The following TRPV1 variants were observed in gnomAD, a reference collection of about 807,000 sequenced individuals.
The protein encoded by TRPV1 is OTRPC1.
TRPV1 carries 82 observed loss-of-function variants against 82.3 expected under a neutral mutation model. The ratio of observed to expected loss-of-function variants is 1.00; its 90% CI spans 0.83 to 1.20. The LOEUF (loss-of-function observed/expected upper bound fraction) is 1.20. Among genes scored for constraint, TRPV1 ranks in the 50% most tolerant of loss-of-function variants. TRPV1 has a pLI of 0.00. For missense variants in TRPV1, 1,067 were observed against 1,096.8 expected (o/e 0.97, Z 0.38); for synonymous variants, 515 against 467.7 (o/e 1.10, Z -1.30).
chr17:3,591,447 G>C, intron 3 of TRPV1, 94 bp from the exon 4 acceptor site: 2 of 1,433,640 alleles, frequency 1.4e-6, no homozygotes, highest in Non-Finnish European at 1.9e-6. Context: ...TAAATCCCAA[G>C]GCAAACCAAA....
intron 13 of TRPV1, among the ~76,000 whole-genome samples, chr17:3,575,709 G>A (rs980641987): frequency 3.3e-5 from 5 of 152,132 alleles, no homozygotes; most frequent in East Asian, 1.9e-4. Flanking sequence ...CAAAGCTAAC[G>A]TCACCAGAAG....
At chr17:3,592,431 T>A in intron 2 of TRPV1, 48 bp from the exon 3 acceptor site, 1 of 1,474,800 alleles carries the variant, frequency 6.8e-7, no homozygotes, top group Non-Finnish European at 9.0e-7. Context: ...AAGGACTGCT[T>A]GTCCTTAGAC....
chr17:3,594,145 AAAAAAAAGAAGCAGC>A (rs1433463159), intron 2 of TRPV1, among the ~76,000 whole-genome samples: 60 of 124,196 alleles, frequency 4.8e-4, no homozygotes, highest in African/African-American at 2.9e-3. Context: ...AAAAAAAAAA[AAAAAAAAGAAGCAGC>A]AGCAGCAGCA....
In TRPV1 at chr17:3,589,890, G is replaced by A. The variant is rs758560494; in HGVS notation, c.961C>T (p.His321Tyr). The change falls in exon 7 of 17, where the codon CAC becomes TAC. Residue 321 changes from histidine to tyrosine, a missense_variant. Transcript: ENST00000572705. ...NEILMLGAKL[H>Y]PTLKLEELTN... is the part of the protein sequence containing the mutation. ...AGCTCCTCCAGCTTCAGCGTCGGGT[G>A]CAGTTTGGCCCCCAGCATCAGAATC... The A allele has an allele frequency of 1.9e-6, 3 of 1,609,184 alleles. No homozygotes were observed. Among genetic ancestry groups the A allele is most frequent in the East Asian group, 4.5e-5 (2 of 44,570 alleles).
At chr17:3,567,817 C>A (rs1196370062) in intron 16 of TRPV1, among the ~76,000 whole-genome samples, 1 of 151,938 alleles carries the variant, frequency 6.6e-6, no homozygotes, top group Non-Finnish European at 1.5e-5. Flanking sequence ...TGACATCAGG[C>A]AACCTCCAAC....
At chr17:3,581,123 A>T (rs2075003904) in intron 10 of TRPV1, among the ~76,000 whole-genome samples, 1 of 151,310 alleles carries the variant, frequency 6.6e-6, no homozygotes, top group Non-Finnish European at 1.5e-5. Context: ...AATTGGGCAA[A>T]TTGTTTTCTT....
At position 3,566,532 on chromosome 17, in the gene TRPV1, C is replaced by A. The variant is rs1478317665; in HGVS notation, c.*283G>T. ...AAAATCAAAGAAAACAAGGGCCTAACATGTCCCAGTAGAGACTGACCATCC... is the reference window on the plus strand; with the variant it reads ...AAAATCAAAGAAAACAAGGGCCTAAAATGTCCCAGTAGAGACTGACCATCC... On this transcript the variant is annotated 3_prime_UTR_variant, in exon 17 of 17. Transcript: ENST00000572705. The A allele has an allele frequency of 2.1e-5, 6 of 290,380 alleles. No homozygotes were observed. In the East Asian group the frequency reaches 3.0e-4, roughly 14 times the overall value. The allele number at this position is 290,380 out of a possible 1,614,324, so 18.0% of individuals were successfully genotyped here.
In TRPV1 at chr17:3,583,387, G is replaced by A. The variant is rs2150839844; in HGVS notation, c.1427C>T (p.Thr476Ile). 4.3e-6 allele frequency: 7 copies of A among 1,610,448 alleles called. No individual in the cohort carries two copies. Among genetic ancestry groups the A allele is most frequent in the African/African-American group, 1.3e-5 (1 of 75,024 alleles). ...MEKTGDYFRV[T>I]GEILSVLGGV... Reference sequence around the variant, plus strand: ...TCCTAACACAGACAGGATCTCTCCAGTAACTCGGAAATAGTCTCCAGTTTT... The same window carrying A: ...TCCTAACACAGACAGGATCTCTCCAATAACTCGGAAATAGTCTCCAGTTTT... The change falls in exon 10 of 17, where the codon ACT (threonine) becomes ATT (isoleucine). Residue 476 changes from threonine (T) to isoleucine (I), a missense_variant. Thr to Ile is a moderately conservative substitution (Grantham distance 89, BLOSUM62 -1). Coordinates refer to ENST00000572705, the MANE Select transcript of TRPV1 (RefSeq NM_080704.4).
intron 16 of TRPV1, among the ~76,000 whole-genome samples, chr17:3,570,723 C>CT (rs929104350): frequency 3.3e-5 from 5 of 151,662 alleles, no homozygotes; most frequent in Non-Finnish European, 5.9e-5. Context: ...TCTATTTGTT[C>CT]TTTTTTTTGA....
chr17:3,581,003 C>T (rs909438153), intron 10 of TRPV1, among the ~76,000 whole-genome samples: 9 of 143,538 alleles, frequency 6.3e-5, no homozygotes, highest in South Asian at 2.2e-4. Context: ...TGGGTGACAG[C>T]GAGACTCCAT....
At chr17:3,578,841 A>T (rs2074969286) in intron 11 of TRPV1, 1 of 152,214 alleles carries the variant, frequency 6.6e-6, no homozygotes, top group Non-Finnish European at 1.5e-5. Flanking sequence ...AATACTATGC[A>T]GCCATAAAAA....
intron 7 of TRPV1, chr17:3,588,879 C>G: frequency 6.5e-7 from 1 of 1,533,984 alleles, no homozygotes; most frequent in South Asian, 1.2e-5. Flanking sequence ...ACTACCTGCA[C>G]CATATCAGGC....
chr17:3,569,242 T>C (rs866860963), intron 16 of TRPV1, among the ~76,000 whole-genome samples: 1 of 152,082 alleles, frequency 6.6e-6, no homozygotes, highest in East Asian at 1.9e-4. Flanking sequence ...GTTGTGCACA[T>C]GTACCCTAGA....
chr17:3,589,353 C>T (rs1044435597), intron 7 of TRPV1, among the ~76,000 whole-genome samples: 2 of 152,012 alleles, frequency 1.3e-5, no homozygotes, highest in Admixed American at 1.3e-4. Context: ...ATTGTAGGCA[C>T]CTGCCACCAT....
rs761990065 is a variant in TRPV1, at chr17:3,571,618, G to A, written c.2253C>T (p.Thr751=). The change falls in exon 16 of 17, where the codon ACC becomes ACT. Residue 751 remains threonine, a synonymous_variant. Coordinates refer to ENST00000572705, the MANE Select transcript of TRPV1 (RefSeq NM_080704.4). ...WCFRVDEVNW[T]TWNTNVGIIN... is the part of the protein sequence containing the mutation. The stretch of plus-strand genomic sequence containing the variant: ...TGATGCCCACGTTGGTGTTCCAGGT[G>A]GTCCAGTTCACCTCGTCCACCCTGC... The A allele has an allele frequency of 1.2e-6, 2 of 1,611,852 alleles. No individual in the cohort carries two copies. The highest frequency in any genetic ancestry group is 1.7e-6 in the Non-Finnish European group (2 of 1,179,108).
intron 2 of TRPV1, among the ~76,000 whole-genome samples, chr17:3,598,129 T>G (rs989405800): frequency 2.0e-5 from 3 of 152,048 alleles, no homozygotes; most frequent in African/African-American, 7.2e-5. Flanking sequence ...AACAGTGAGG[T>G]CTAGGTATGC....
At chr17:3,591,701 G>A (rs1487614523) in intron 3 of TRPV1, among the ~76,000 whole-genome samples, 1 of 152,128 alleles carries the variant, frequency 6.6e-6, no homozygotes, top group Non-Finnish European at 1.5e-5. Context: ...CCCTCTAAGG[G>A]AAAAGGTGGC....
At chr17:3,572,790 C>T (rs1489289748) in intron 14 of TRPV1, among the ~76,000 whole-genome samples, 1 of 152,204 alleles carries the variant, frequency 6.6e-6, no homozygotes, top group African/African-American at 2.4e-5. Flanking sequence ...CAAAACCAGC[C>T]TGGCCAACAT....
chr17:3,606,933 G>T (rs1260791119), intron 2 of TRPV1, among the ~76,000 whole-genome samples: 1 of 152,148 alleles, frequency 6.6e-6, no homozygotes, highest in Non-Finnish European at 1.5e-5. Flanking sequence ...TCTGAGATTA[G>T]ACGGCCTGGC....
Sources: allele counts gnomAD v4.1 joint callset (sites outside exome capture counted in the v4.1 genomes callset), GRCh38; gene constraint gnomAD v4.1.1; transcripts MANE v1.5; gene names NCBI Gene and HGNC (gene_info 2026-07-23, HGNC 2026-07-21).